The following JPH2 variants were observed in gnomAD, a reference collection of about 807,000 sequenced individuals.
JPH2 encodes junctophilin 2.
In JPH2, 38 loss-of-function variants were observed where a neutral mutation model predicts 55.9. The ratio of observed to expected loss-of-function variants is 0.68; its 90% CI spans 0.52 to 0.89. The LOEUF (loss-of-function observed/expected upper bound fraction) is 0.89, where lower values mean the gene tolerates loss of function less well. Among genes scored for constraint, JPH2 ranks in the 40% least tolerant of loss-of-function variants. JPH2 has a pLI of 0.00. For missense variants in JPH2, 964 were observed against 1,037.6 expected (o/e 0.93, Z 0.97); for synonymous variants, 480 against 472.4 (o/e 1.02, Z -0.21).
chr20:44,124,743 G>A (rs1254213978), intron 2 of JPH2, among the ~76,000 whole-genome samples: 1 of 151,954 alleles, frequency 6.6e-6, no homozygotes, highest in Non-Finnish European at 1.5e-5. Flanking sequence ...ACAGTGGTAG[G>A]CTAAACCCAG....
chr20:44,115,460 G>C (rs143842818), intron 4 of JPH2, among the ~76,000 whole-genome samples: 1 of 152,150 alleles, frequency 6.6e-6, no homozygotes, highest in African/African-American at 2.4e-5. Context: ...GACTCCATGC[G>C]GCCATTTACG....
chr20:44,135,974 C>A (rs2072410266), intron 2 of JPH2, among the ~76,000 whole-genome samples: 1 of 152,212 alleles, frequency 6.6e-6, no homozygotes, highest in Non-Finnish European at 1.5e-5. Context: ...TACTGAACAG[C>A]AGCCTTATGA....
In JPH2 at chr20:44,164,698, AC is replaced by A. The variant is rs1182192897; in HGVS notation, c.380-4292del. ...AACAAACAAACAAACAAACAAACAA[AC>A]AAACAAACAAACAAACAAACCTATA... On this transcript the variant is annotated intron_variant, in intron 1 of 5. Coordinates refer to ENST00000372980, the MANE Select transcript of JPH2 (RefSeq NM_020433.5). Among the ~76,000 whole-genome samples, 560 of 152,060 alleles carry A rather than the reference AC, an allele frequency of 3.7e-3. 5 individuals are homozygous for A. Among genetic ancestry groups the A allele is most frequent in the African/African-American group, 0.013 (527 of 41,476 alleles).
At chr20:44,130,994 C>T (rs570786898) in intron 2 of JPH2, among the ~76,000 whole-genome samples, 59 of 152,272 alleles carry the variant, frequency 3.9e-4, no homozygotes, top group African/African-American at 1.4e-3. Flanking sequence ...CTAGACAAGT[C>T]AATTAGTCCC....
At chr20:44,141,113 C>A (rs2072453680) in intron 2 of JPH2, among the ~76,000 whole-genome samples, 1 of 152,188 alleles carries the variant, frequency 6.6e-6, no homozygotes, top group African/African-American at 2.4e-5. Context: ...GTCTTCAAAC[C>A]TCTGCAAGGA....
chr20:44,134,769 A>AATATATTTATTATAAATAT (rs1569195493), intron 2 of JPH2, among the ~76,000 whole-genome samples: 9 of 106,636 alleles, frequency 8.4e-5, no homozygotes, highest in Non-Finnish European at 1.2e-4. Context: ...AATATATAAA[A>AATATATTTATTATAAATAT]ATATTTATAA....
At chr20:44,177,256 C>T (rs769967424) in intron 1 of JPH2, 62 of 985,662 alleles carry the variant, frequency 6.3e-5, no homozygotes, top group Non-Finnish European at 7.0e-5. Flanking sequence ...CTGTCCCCCT[C>T]GCCCCACACC....
intron 2 of JPH2, among the ~76,000 whole-genome samples, chr20:44,134,443 AAATAT>A (rs2072374861): frequency 4.7e-5 from 1 of 21,204 alleles, no homozygotes; most frequent in Non-Finnish European, 7.6e-5. Flanking sequence ...AAATATATAT[AAATAT>A]ATATTTATTA....
At chr20:44,141,182 TA>T (rs1377604110) in intron 2 of JPH2, among the ~76,000 whole-genome samples, 1 of 152,196 alleles carries the variant, frequency 6.6e-6, no homozygotes, top group Non-Finnish European at 1.5e-5. Flanking sequence ...TCTTTCCCAC[TA>T]ACGGAAGCCT....
chr20:44,115,700 C>A lies in JPH2; in HGVS notation c.1975G>T (p.Ala659Ser). ...TCCACCTCCGCCTCTGCCGCCAGTGCGGCCTCCTTCCGCGCCTTCTTCTTG... is the reference window on the plus strand; with the variant it reads ...TCCACCTCCGCCTCTGCCGCCAGTGAGGCCTCCTTCCGCGCCTTCTTCTTG... ...GAKKKARKEA[A>S]LAAEAEVEVE... is the part of the protein sequence containing the mutation. Residue 659 changes from alanine (A) to serine (S), a missense_variant, in exon 4 of 6, where the codon GCA (alanine) becomes TCA (serine). Ala to Ser is a moderately conservative substitution (Grantham distance 99). Transcript: ENST00000372980. The A allele has an allele frequency of 6.2e-7, 1 of 1,613,316 alleles. No individual in the cohort carries two copies.
intron 2 of JPH2, among the ~76,000 whole-genome samples, chr20:44,152,398 G>A (rs2072537347): frequency 6.6e-6 from 1 of 152,112 alleles, no homozygotes. Flanking sequence ...TATCCCCACT[G>A]GGCACGGTAG....
At chr20:44,115,341 A>AC (rs2072180029) in intron 4 of JPH2, among the ~76,000 whole-genome samples, 2 of 146,648 alleles carry the variant, frequency 1.4e-5, no homozygotes, top group Admixed American at 1.4e-4. Context: ...GCCCAGCCCA[A>AC]CCCCCCTGAC....
At chr20:44,153,923 G>A (rs2072548383) in intron 2 of JPH2, among the ~76,000 whole-genome samples, 1 of 152,204 alleles carries the variant, frequency 6.6e-6, no homozygotes, top group South Asian at 2.1e-4. Flanking sequence ...ACAAGCATTT[G>A]TCAGGGTGTT....
At chr20:44,179,139 A>G (rs531876853) in intron 1 of JPH2, among the ~76,000 whole-genome samples, 4 of 152,232 alleles carry the variant, frequency 2.6e-5, no homozygotes, top group African/African-American at 9.6e-5. Flanking sequence ...TAATAAAAGC[A>G]CTAACACATG....
intron 1 of JPH2, among the ~76,000 whole-genome samples, chr20:44,162,773 TATATATATATATATAC>T (rs1165373992): frequency 1.7e-4 from 14 of 81,912 alleles, no homozygotes; most frequent in Non-Finnish European, 2.8e-4. Flanking sequence ...TATATATATA[TATATATATATATATAC>T]ACACACACAC....
intron 2 of JPH2, among the ~76,000 whole-genome samples, chr20:44,119,271 A>G (rs149224293): frequency 6.4e-4 from 97 of 152,382 alleles, no homozygotes; most frequent in Non-Finnish European, 1.1e-3. Context: ...AGGATATCTA[A>G]TTACAACATA....
chr20:44,171,306 T>C (rs1371957225), intron 1 of JPH2, among the ~76,000 whole-genome samples: 3 of 152,140 alleles, frequency 2.0e-5, no homozygotes, highest in Non-Finnish European at 2.9e-5. Context: ...CCCTTCAGCG[T>C]TGCCCAAAAT....
chr20:44,131,178 G>A (rs756181320), intron 2 of JPH2, among the ~76,000 whole-genome samples: 27 of 152,154 alleles, frequency 1.8e-4, no homozygotes, highest in Non-Finnish European at 3.7e-4. Context: ...TCCATGATTC[G>A]TTTAGACTGT....
chr20:44,162,051 T>C (rs2145881023), intron 1 of JPH2, among the ~76,000 whole-genome samples: 1 of 152,358 alleles, frequency 6.6e-6, no homozygotes, highest in South Asian at 2.1e-4. Flanking sequence ...GGCAGTTCTC[T>C]GCCTTCGTCT....
Sources: allele counts gnomAD v4.1 joint callset (sites outside exome capture counted in the v4.1 genomes callset), GRCh38; gene constraint gnomAD v4.1.1; transcripts MANE v1.5; gene names NCBI Gene and HGNC (gene_info 2026-07-23, HGNC 2026-07-21).